The following EBF3 variants were observed in gnomAD, a reference collection of about 807,000 sequenced individuals.
The protein encoded by EBF3 is EBF transcription factor 3.
EBF3 carries 18 observed loss-of-function variants against 77.1 expected under a neutral mutation model. The ratio of observed to expected loss-of-function variants is 0.23; its 90% CI spans 0.16 to 0.35. The LOEUF is 0.35. Among genes scored for constraint, EBF3 ranks in the 10% least tolerant of loss-of-function variants. The pLI is 1.00. For missense variants in EBF3, 558 were observed against 860.0 expected, an observed-to-expected ratio of 0.65 and a Z score of 4.39; for synonymous variants, 350 against 343.5, an observed-to-expected ratio of 1.02 and a Z score of -0.21.
intron 6 of EBF3, among the ~76,000 whole-genome samples, chr10:129,908,725 C>T (rs1448665094): frequency 1.3e-5 from 2 of 152,244 alleles, no homozygotes; most frequent in Admixed American, 1.3e-4. Flanking sequence ...ATCATGGACA[C>T]AGGCCAGCTA....
At chr10:129,958,467 G>A (rs1338259251) in intron 5 of EBF3, among the ~76,000 whole-genome samples, 1 of 152,186 alleles carries the variant, frequency 6.6e-6, no homozygotes, top group African/African-American at 2.4e-5. Flanking sequence ...CTGCATCGCT[G>A]CTCTAGGGAA....
At chr10:129,868,080 A>C (rs1279443113) in intron 8 of EBF3, among the ~76,000 whole-genome samples, 168 bp from the exon 9 acceptor site, 1 of 152,272 alleles carries the variant, frequency 6.6e-6, no homozygotes, top group Non-Finnish European at 1.5e-5. Flanking sequence ...TGTTTAAAGC[A>C]AACTATTAAA....
intron 6 of EBF3, among the ~76,000 whole-genome samples, chr10:129,898,569 C>T (rs923816668): frequency 1.2e-4 from 19 of 152,208 alleles, no homozygotes; most frequent in Admixed American, 1.2e-3. Context: ...CGTCGCCCCA[C>T]TCCAGTCATT....
chr10:129,850,915 C>T (rs1441501733), intron 10 of EBF3, among the ~76,000 whole-genome samples: 2 of 152,176 alleles, frequency 1.3e-5, no homozygotes, highest in African/African-American at 2.4e-5. Context: ...GAGAAAGCAC[C>T]GGGGCCTCAC....
intron 6 of EBF3, among the ~76,000 whole-genome samples, chr10:129,948,259 CAAAA>C (rs71481027): frequency 5.9e-4 from 27 of 45,732 alleles, no homozygotes; most frequent in African/African-American, 2.3e-3. Context: ...AACTCCGTCT[CAAAA>C]AAAAAAAAAA....
Position 129,938,754 on chromosome 10 carries a change from G to A in EBF3, c.554+18504C>T, listed in dbSNP as rs1045594704. 6.6e-6 allele frequency among the ~76,000 whole-genome samples: 1 copy of A among 152,260 alleles called. No individual in the cohort carries two copies. ...TGGCCTGTGCTCCAAGCAAGTCAAG[G>A]CCATTGAGTCAATAGGGGCAAGATG... On this transcript the variant is annotated intron_variant, in intron 6 of 16. Transcript: ENST00000440978. This position sits in a 1 kb window ranked among gnomAD's most constrained non-coding sequence, Gnocchi z 5.1.
At chr10:129,932,945 C>T (rs974965899) in intron 6 of EBF3, among the ~76,000 whole-genome samples, 13 of 128,792 alleles carry the variant, frequency 1.0e-4, no homozygotes, top group African/African-American at 3.8e-4. Context: ...AGCAGCGGGG[C>T]TGGGATGCAT....
At chr10:129,955,309 A>G (rs1187874348) in intron 6 of EBF3, among the ~76,000 whole-genome samples, 2 of 152,214 alleles carry the variant, frequency 1.3e-5, no homozygotes, top group African/African-American at 4.8e-5. Flanking sequence ...TTAGGAGCAG[A>G]GCAGATTTTT....
intron 6 of EBF3, among the ~76,000 whole-genome samples, chr10:129,919,120 A>G (rs1453230679): frequency 6.6e-6 from 1 of 152,170 alleles, no homozygotes; most frequent in Non-Finnish European, 1.5e-5. Flanking sequence ...TACGCAGGTG[A>G]CCAAACACAA....
At position 129,952,429 on chromosome 10, in the gene EBF3, C is replaced by A. The variant is rs970192066; in HGVS notation, c.554+4829G>T. The stretch of plus-strand genomic sequence containing the variant: ...ATTTTTAAAATCCTCCTTGACAGGC[C>A]GGGGCTTAGCCAAAATGTAAATGAC... On this transcript the variant is annotated intron_variant, in intron 6 of 16. Transcript: ENST00000440978. This position sits in a 1 kb window ranked among gnomAD's most constrained non-coding sequence, Gnocchi z 4.7. 7.2e-5 allele frequency among the ~76,000 whole-genome samples: 11 copies of A among 152,070 alleles called. No homozygotes were observed. The highest frequency in any genetic ancestry group is 6.5e-4 in the Admixed American group (10 of 15,270).
intron 5 of EBF3, 22 bp from the exon 6 acceptor site, chr10:129,957,348 T>A (rs1859114243): frequency 1.3e-6 from 2 of 1,582,072 alleles, no homozygotes; most frequent in Non-Finnish European, 1.7e-6. Context: ...TTGTAAACAG[T>A]GGTTTTAATA....
rs865828619 is a variant in EBF3, at chr10:129,848,185, C to T, written c.1128+207G>A. ...TGGAGATGAGATGTAAAACTCGAGC[C>T]GTCTACGCCTTCTCTCACCCTTCGC... On this transcript the variant is annotated intron_variant, in intron 11 of 16. Transcript: ENST00000440978. The surrounding 1 kb of genome is among the most constrained non-coding windows in gnomAD (Gnocchi z 4.4). 9.2e-5 allele frequency among the ~76,000 whole-genome samples: 14 copies of T among 152,334 alleles called. No homozygotes were observed. Among genetic ancestry groups the T allele is most frequent in the Non-Finnish European group, 1.6e-4 (11 of 68,036 alleles).
chr10:129,876,641 G>A (rs1303914740), intron 7 of EBF3, among the ~76,000 whole-genome samples: 2 of 152,226 alleles, frequency 1.3e-5, no homozygotes, highest in Admixed American at 6.5e-5. Context: ...GAAAAACTGG[G>A]TAAATCCCAA....
At chr10:129,875,266 AGCTCAC>A (rs1271389301) in intron 7 of EBF3, among the ~76,000 whole-genome samples, 8 of 131,826 alleles carry the variant, frequency 6.1e-5, no homozygotes, top group African/African-American at 2.1e-4. Flanking sequence ...GCACGATCTC[AGCTCAC>A]CCCAACCTCC....
At chr10:129,871,373 G>A (rs1852395511) in intron 8 of EBF3, among the ~76,000 whole-genome samples, 2 of 152,198 alleles carry the variant, frequency 1.3e-5, no homozygotes, top group Admixed American at 6.5e-5. Context: ...GGACGCCGTG[G>A]CAGACATCCA....
intron 6 of EBF3, among the ~76,000 whole-genome samples, chr10:129,931,522 A>C (rs1372669593): frequency 6.6e-6 from 1 of 152,222 alleles, no homozygotes; most frequent in East Asian, 1.9e-4. Context: ...CTTAAATGAC[A>C]TATAGCAAGT....
chr10:129,935,271 C>G lies in EBF3; in HGVS notation c.554+21987G>C, dbSNP rs552483135. On this transcript the variant is annotated intron_variant, in intron 6 of 16. Transcript: ENST00000440978. The surrounding 1 kb of genome is among the most constrained non-coding windows in gnomAD (Gnocchi z 4.2). The stretch of plus-strand genomic sequence containing the variant: ...ACTGTGGCCCATGGCTGTCCCAGCA[C>G]CCAGAGTGGAGTTGGGAACCAGGCT... Among the ~76,000 whole-genome samples the G allele has an allele frequency of 2.1e-3, 326 of 152,282 alleles. 2 individuals are homozygous for G. The highest frequency in any genetic ancestry group is 3.3e-3 in the Admixed American group (51 of 15,312).
chr10:129,841,465 T>C lies in EBF3; in HGVS notation c.1373-433A>G, dbSNP rs144871663. On this transcript the variant is annotated intron_variant, in intron 13 of 16. Coordinates refer to ENST00000440978, the MANE Select transcript of EBF3 (RefSeq NM_001375380.1). The surrounding 1 kb of genome is among the most constrained non-coding windows in gnomAD (Gnocchi z 4.6). ...TGGGGGTCTTCATTTGTATGGTTGT[T>C]ATTTCTATACATGGGGGCGTTCGGG... 1.8e-3 allele frequency among the ~76,000 whole-genome samples: 279 copies of C among 152,284 alleles called. No individual in the cohort carries two copies. The highest frequency in any genetic ancestry group is 6.3e-3 in the African/African-American group (262 of 41,550).
chr10:129,881,009 G>A (rs143440120), intron 6 of EBF3, among the ~76,000 whole-genome samples: 19 of 152,286 alleles, frequency 1.2e-4, no homozygotes, highest in Admixed American at 4.6e-4. Context: ...AAGTCAAAAG[G>A]TAATTCTCAT....
Sources: allele counts gnomAD v4.1 joint callset (sites outside exome capture counted in the v4.1 genomes callset), GRCh38; gene constraint gnomAD v4.1.1; non-coding constraint Gnocchi (gnomAD v3.1); transcripts MANE v1.5; gene names NCBI Gene and HGNC (gene_info 2026-07-23, HGNC 2026-07-21).